The following CAGE1 variants were observed in gnomAD, a reference collection of about 807,000 sequenced individuals.
CAGE1 encodes the protein cancer-associated gene 1 protein.
Under a neutral mutation model 94.9 loss-of-function variants are expected in CAGE1, and 66 were observed. The observed-to-expected ratio is 0.70, with a 90% confidence interval of 0.57 to 0.85. CAGE1 has a LOEUF of 0.85. Ranked by LOEUF, CAGE1 falls within the 40% of genes least tolerant of loss-of-function variation. The pLI is 0.00. For synonymous variants in CAGE1, 319 were observed against 321.0 expected (o/e 0.99, Z 0.07); for missense variants, 865 against 950.4 (o/e 0.91, Z 1.18).
intron 11 of CAGE1, among the ~76,000 whole-genome samples, chr6:7,345,532 G>T (rs1372800077): frequency 6.6e-6 from 1 of 152,182 alleles, no homozygotes; most frequent in Non-Finnish European, 1.5e-5. Flanking sequence ...CATATACAGA[G>T]TAAGCTATCA....
chr6:7,343,945 C>A (rs1759297506), intron 11 of CAGE1, among the ~76,000 whole-genome samples: 2 of 152,216 alleles, frequency 1.3e-5, no homozygotes, highest in South Asian at 4.1e-4. Context: ...GGGATAGATT[C>A]ATCAAAAACA....
intron 11 of CAGE1, 87 bp from the exon 12 acceptor site, chr6:7,334,177 G>A (rs907898222): frequency 1.4e-6 from 1 of 707,450 alleles, no homozygotes; most frequent in Non-Finnish European, 2.3e-6. Context: ...ATTTTAGTAG[G>A]TAAAAATAGG....
Position 7,374,244 on chromosome 6 carries a change from C to G in CAGE1, c.688-113G>C, listed in dbSNP as rs911520542. ...AGTAGATCCCCTGTTTGGCTTTCTCCGCTATAAAGTAACAATAGTATCTAC... is the reference window on the plus strand; with the variant it reads ...AGTAGATCCCCTGTTTGGCTTTCTCGGCTATAAAGTAACAATAGTATCTAC... On this transcript the variant is annotated intron_variant, in intron 4 of 13. Transcript: ENST00000502583. 4 of 790,720 alleles carry G rather than the reference C, an allele frequency of 5.1e-6. No homozygotes were observed. In the East Asian group the frequency reaches 9.9e-5, roughly 20 times the overall value. The allele number at this position is 790,720 out of a possible 1,614,324, so 49.0% of individuals were successfully genotyped here. A position where few individuals can be genotyped will look rare whatever the true frequency, so the allele number is the denominator to read the frequency against.
intron 9 of CAGE1, among the ~76,000 whole-genome samples, chr6:7,358,113 C>T (rs866156206): frequency 4.4e-5 from 6 of 135,362 alleles, no homozygotes; most frequent in Admixed American, 1.6e-4. Context: ...TGAGTCTGCC[C>T]GTCAACCTCC....
intron 11 of CAGE1, among the ~76,000 whole-genome samples, chr6:7,351,749 T>C (rs558921713): frequency 6.6e-6 from 1 of 152,228 alleles, no homozygotes; most frequent in Admixed American, 6.5e-5. Flanking sequence ...ATAAATGTGA[T>C]ACACTACATA....
intron 13 of CAGE1, among the ~76,000 whole-genome samples, chr6:7,328,259 A>G (rs1375256690): frequency 6.6e-6 from 1 of 152,246 alleles, no homozygotes; most frequent in Non-Finnish European, 1.5e-5. Flanking sequence ...CAAAATGAAT[A>G]TGAGACAATT....
rs1760606751 is a variant in CAGE1, at chr6:7,373,138, G to A, written c.1681C>T (p.Pro561Ser). The A allele has an allele frequency of 6.2e-7, 1 of 1,613,286 alleles. No individual in the cohort carries two copies. Among genetic ancestry groups the A allele is most frequent in the South Asian group, 1.1e-5 (1 of 90,900 alleles). The change falls in exon 5 of 14, where the codon CCT becomes TCT. Residue 561 changes from proline to serine, a missense_variant. Coordinates refer to ENST00000502583, the MANE Select transcript of CAGE1 (RefSeq NM_001170692.2). ...VARSEEQNYVPKFETAQLKDQ... is the reference protein window; with the variant it reads ...VARSEEQNYVSKFETAQLKDQ... ...TTTAACTGAGCTGTCTCAAATTTAG[G>A]GACATAATTTTGCTCTTCACTCCTT...
chr6:7,361,112 G>T (rs1477494911), intron 9 of CAGE1, among the ~76,000 whole-genome samples: 1 of 152,114 alleles, frequency 6.6e-6, no homozygotes. Context: ...TGGAAATCTG[G>T]TCAGTTACAT....
chr6:7,350,620 T>C (rs1161727277), intron 11 of CAGE1, among the ~76,000 whole-genome samples: 1 of 152,076 alleles, frequency 6.6e-6, no homozygotes, highest in South Asian at 2.1e-4. Context: ...TTCAAAACCA[T>C]GCAAATACAT....
intron 8 of CAGE1, 40 bp from the exon 9 acceptor site, chr6:7,365,615 A>G (rs1169345389): frequency 2.5e-6 from 4 of 1,574,444 alleles, no homozygotes; most frequent in African/African-American, 2.7e-5. Context: ...CAATCATTTC[A>G]TACTCCTTGG....
At chr6:7,352,894 T>A (rs1029879361) in intron 11 of CAGE1, among the ~76,000 whole-genome samples, 7 of 152,156 alleles carry the variant, frequency 4.6e-5, no homozygotes, top group African/African-American at 1.4e-4. Context: ...CAAAGTCAAC[T>A]CAAGATGGAT....
At chr6:7,359,934 G>A (rs2113420887) in intron 9 of CAGE1, among the ~76,000 whole-genome samples, 1 of 152,284 alleles carries the variant, frequency 6.6e-6, no homozygotes, top group Admixed American at 6.5e-5. Flanking sequence ...GGGAAGTCTG[G>A]CACAGGTCTC....
At position 7,360,940 on chromosome 6, in the gene CAGE1, C is replaced by T. The variant is rs185968015; in HGVS notation, c.2193+4528G>A. On this transcript the variant is annotated intron_variant, in intron 9 of 13. Coordinates refer to ENST00000502583, the MANE Select transcript of CAGE1 (RefSeq NM_001170692.2). ...CCAGCCTGGGTGACAGAGCACGACT[C>T]TGTCTCAAAAAACAAACAAACAAAT... 2.9e-3 allele frequency among the ~76,000 whole-genome samples: 442 copies of T among 152,202 alleles called. 3 individuals are homozygous for T. The highest frequency in any genetic ancestry group is 9.0e-3 in the African/African-American group (372 of 41,542).
Position 7,358,027 on chromosome 6 carries a change from GATATATATATATATATATATATAT to G in CAGE1, c.2194-1922_2194-1899del, listed in dbSNP as rs55850429. On this transcript the variant is annotated intron_variant, in intron 9 of 13. Coordinates refer to ENST00000502583, the MANE Select transcript of CAGE1 (RefSeq NM_001170692.2). ...CAGACTGCGGTTAGGTAAGTTTTGA[GATATATATATATATATATATATAT>G]ATATATATATATATATATATGCCTC... Among the ~76,000 whole-genome samples, 56 of 48,088 alleles carry G rather than the reference GATATATATATATATATATATATAT, an allele frequency of 1.2e-3. 4 individuals are homozygous for G. In the East Asian group the frequency reaches 0.014, roughly 12 times the overall value. 31.5% of individuals were successfully genotyped at this position (48,088 alleles called of 152,430 possible). A position where few individuals can be genotyped will look rare whatever the true frequency, so the allele number is the denominator to read the frequency against.
intron 9 of CAGE1, among the ~76,000 whole-genome samples, chr6:7,363,739 G>A (rs775088995): frequency 3.0e-4 from 45 of 152,148 alleles, no homozygotes; most frequent in Non-Finnish European, 5.9e-4. Flanking sequence ...CTGTCTCACC[G>A]TTAGTGGGGT....
chr6:7,345,670 G>A (rs975771370), intron 11 of CAGE1, among the ~76,000 whole-genome samples: 4 of 152,278 alleles, frequency 2.6e-5, no homozygotes, highest in African/African-American at 7.2e-5. Flanking sequence ...GCTCATGCTT[G>A]TAATCCCAGC....
At chr6:7,327,521 T>C (rs573453360) in intron 13 of CAGE1, among the ~76,000 whole-genome samples, 2 of 152,320 alleles carry the variant, frequency 1.3e-5, no homozygotes, top group Admixed American at 6.5e-5. Flanking sequence ...TGAAGAACAA[T>C]GTGGATTGAG....
In CAGE1 at chr6:7,356,008, G is replaced by GA. The variant is rs747036848; in HGVS notation, c.2298+16dup. 1.1e-3 allele frequency: 1,487 copies of GA among 1,386,120 alleles called. No homozygotes were observed. The highest frequency in any genetic ancestry group is 1.3e-3 in the Non-Finnish European group (1,285 of 1,003,548). 85.9% of individuals were successfully genotyped at this position (1,386,120 alleles called of 1,614,324 possible). On this transcript the variant is annotated intron_variant, in intron 10 of 13. Coordinates refer to ENST00000502583, the MANE Select transcript of CAGE1 (RefSeq NM_001170692.2). ...TGAGATCTTGTCTCAAAATACAAAA[G>GA]AAAAAAAAATGTCTACCTTCTTTAT...
chr6:7,379,940 C>T (rs1471592761), intron 3 of CAGE1, among the ~76,000 whole-genome samples: 1 of 152,092 alleles, frequency 6.6e-6, no homozygotes, highest in Non-Finnish European at 1.5e-5. Flanking sequence ...TTTGAAAATA[C>T]ACATAAACTA....
Sources: allele counts gnomAD v4.1 joint callset (sites outside exome capture counted in the v4.1 genomes callset), GRCh38; gene constraint gnomAD v4.1.1; transcripts MANE v1.5; gene names NCBI Gene and HGNC (gene_info 2026-07-23, HGNC 2026-07-21).